ANKRD39: variants seen among roughly 807,000 people sequenced by gnomAD.
ANKRD39 encodes the protein ankyrin repeat domain 39.
A neutral mutation model predicts 20.3 loss-of-function variants in ANKRD39; 18 were observed. The ratio of observed to expected loss-of-function variants is 0.89; its 90% CI spans 0.61 to 1.32. The LOEUF (loss-of-function observed/expected upper bound fraction) is 1.32, where lower values mean the gene tolerates loss of function less well. Ranked by LOEUF, ANKRD39 falls within the 40% of genes most tolerant of loss-of-function variation. The pLI, the probability that ANKRD39 is intolerant of heterozygous loss-of-function variation, is 0.00. For missense variants in ANKRD39, 243 were observed against 250.7 expected (o/e 0.97, Z 0.21); for synonymous variants, 106 against 111.9 (o/e 0.95, Z 0.33).
chr2:96,854,329 C>G lies in ANKRD39; in HGVS notation c.204+9G>C. On this transcript the variant is annotated intron_variant, in intron 2 of 3. Coordinates refer to ENST00000393537, the MANE Select transcript of ANKRD39 (RefSeq NM_016466.6). ...CTGTCTCCTGACCCTGTGCTCCTCC[C>G]TAGCTCACCAGCGCAGTGTAGCCGG... 4 of 1,613,684 alleles carry G rather than the reference C, an allele frequency of 2.5e-6. No individual in the cohort carries two copies. The highest frequency in any genetic ancestry group is 1.7e-6 in the Non-Finnish European group (2 of 1,179,760).
intron 1 of ANKRD39, among the ~76,000 whole-genome samples, chr2:96,855,095 T>A (rs1462192999): frequency 6.6e-6 from 1 of 151,262 alleles, no homozygotes; most frequent in African/African-American, 2.4e-5. Context: ...ATGAGGGGAG[T>A]TCGGGGAGTT....
At chr2:96,857,170 T>C (rs558713380) in intron 1 of ANKRD39, among the ~76,000 whole-genome samples, 2 of 152,078 alleles carry the variant, frequency 1.3e-5, no homozygotes, top group Non-Finnish European at 2.9e-5. Flanking sequence ...CGGAGGGAAG[T>C]AGGCAGGTGC....
At position 96,848,175 on chromosome 2, in the gene ANKRD39, G is replaced by C; in HGVS notation, c.*126C>G. ...TACTCCCTCGCTTCCACAGTGACCA[G>C]ACTGGGGCTCTTCCTGGGTGGTCTG... On this transcript the variant is annotated 3_prime_UTR_variant, in exon 4 of 4. Coordinates refer to ENST00000393537, the MANE Select transcript of ANKRD39 (RefSeq NM_016466.6). The C allele has an allele frequency of 3.0e-6, 4 of 1,350,706 alleles. No individual in the cohort carries two copies. Among genetic ancestry groups the C allele is most frequent in the Non-Finnish European group, 4.1e-6 (4 of 983,530 alleles). The allele number at this position is 1,350,706 out of a possible 1,614,324, so 83.7% of individuals were successfully genotyped here. A position where few individuals can be genotyped will look rare whatever the true frequency, so the allele number is the denominator to read the frequency against.
chr2:96,854,215 T>C, intron 2 of ANKRD39, 123 bp downstream of exon 2: 1 of 992,682 alleles, frequency 1.0e-6, no homozygotes, highest in Admixed American at 2.4e-5. Context: ...AAGAGAAATT[T>C]TGCTGGAAGA....
rs1444917307 is a variant in ANKRD39, at chr2:96,856,692, G to C, written c.100+1196C>G. Among the ~76,000 whole-genome samples, 6 of 152,282 alleles carry C rather than the reference G, an allele frequency of 3.9e-5. No homozygotes were observed. In the East Asian group the frequency reaches 1.2e-3, roughly 29 times the overall value. On this transcript the variant is annotated intron_variant, in intron 1 of 3. Coordinates refer to ENST00000393537, the MANE Select transcript of ANKRD39 (RefSeq NM_016466.6). ...ATTGTGACAACCCAAAATGTCTCCAGATATTCAAAGTCCCTTAAAGGGCAG... is the reference window on the plus strand; with the variant it reads ...ATTGTGACAACCCAAAATGTCTCCACATATTCAAAGTCCCTTAAAGGGCAG...
At chr2:96,852,209 C>T (rs915721207) in intron 3 of ANKRD39, among the ~76,000 whole-genome samples, 2 of 150,988 alleles carry the variant, frequency 1.3e-5, no homozygotes, top group African/African-American at 4.9e-5. Context: ...GAGACCCTGT[C>T]TCAAAAATAA....
rs1163881580 is a variant in ANKRD39 at position 96,857,887 on chromosome 2, C to A, written c.100+1G>T. 1.9e-6 allele frequency: 3 copies of A among 1,576,104 alleles called. No individual in the cohort carries two copies. Among genetic ancestry groups the A allele is most frequent in the South Asian group, 1.2e-5 (1 of 86,748 alleles). On this transcript the variant is annotated splice_donor_variant, in intron 1 of 3. Transcript: ENST00000393537. LOFTEE classifies it high-confidence loss of function. Reference sequence around the variant, plus strand: ...CCACGAGGGCCGCGCGGCAGCCTCACCCCTCTCGAAGTCCATCTCCTCCAG... The same window carrying A: ...CCACGAGGGCCGCGCGGCAGCCTCAACCCTCTCGAAGTCCATCTCCTCCAG...
Position 96,857,950 on chromosome 2 carries a change from C to A in ANKRD39, c.38G>T (p.Cys13Phe), listed in dbSNP as rs753998530. Residue 13 changes from cysteine to phenylalanine, a missense_variant, in exon 1 of 4, where the codon TGC becomes TTC. Transcript: ENST00000393537. ...TPRPCADGPC[C>F]SHPSAVLGVQ... ...GCCGAGCACCGCGCTGGGATGCGAG[C>A]AGCAGGGCCCGTCCGCGCAGGGCCG... The A allele has an allele frequency of 1.3e-6, 2 of 1,574,652 alleles. No homozygotes were observed. Among genetic ancestry groups the A allele is most frequent in the South Asian group, 2.3e-5 (2 of 86,860 alleles).
intron 3 of ANKRD39, among the ~76,000 whole-genome samples, chr2:96,852,227 T>C (rs938117654): frequency 1.3e-5 from 2 of 149,742 alleles, no homozygotes; most frequent in African/African-American, 4.9e-5. Flanking sequence ...TAAAATAAAA[T>C]AAAATAAATT....
At chr2:96,853,267 A>G (rs2079846628) in intron 3 of ANKRD39, 134 bp downstream of exon 3, 1 of 1,108,376 alleles carries the variant, frequency 9.0e-7, no homozygotes, top group Admixed American at 2.3e-5. Flanking sequence ...AAGTGATGAC[A>G]GGTGAGCAAG....
intron 3 of ANKRD39, among the ~76,000 whole-genome samples, chr2:96,851,305 TG>T (rs1157700939): frequency 6.6e-6 from 1 of 152,130 alleles, no homozygotes; most frequent in East Asian, 1.9e-4. Context: ...TACAGGTACG[TG>T]CTACCACGCC....
chr2:96,854,601 G>A (rs1051623292), intron 1 of ANKRD39, among the ~76,000 whole-genome samples, 160 bp from the exon 2 acceptor site: 1 of 152,228 alleles, frequency 6.6e-6, no homozygotes, highest in African/African-American at 2.4e-5. Flanking sequence ...TGTTCTGAAT[G>A]CTGGTGACTT....
At chr2:96,856,013 AAG>A (rs1037594780) in intron 1 of ANKRD39, among the ~76,000 whole-genome samples, 20 of 118,774 alleles carry the variant, frequency 1.7e-4, no homozygotes, top group African/African-American at 5.1e-4. Flanking sequence ...AACAACAACA[AAG>A]AGTTACTGTA....
At chr2:96,852,015 A>C (rs545906050) in intron 3 of ANKRD39, among the ~76,000 whole-genome samples, 24 of 152,186 alleles carry the variant, frequency 1.6e-4, no homozygotes, top group Admixed American at 3.3e-4. Context: ...ACTACTACTA[A>C]TAATTTTAAA....
At position 96,853,599 on chromosome 2, in the gene ANKRD39, A is replaced by G. The variant is rs368998072; in HGVS notation, c.210T>C (p.Tyr70=). 27 of 1,611,636 alleles carry G rather than the reference A, an allele frequency of 1.7e-5. No individual in the cohort carries two copies. Among genetic ancestry groups the G allele is most frequent in the African/African-American group, 4.0e-5 (3 of 74,832 alleles). The change falls in exon 3 of 4, where the codon TAT becomes TAC. Residue 70 remains tyrosine, a synonymous_variant. Transcript: ENST00000393537. ...PDSAGYTALH[Y]ASRNGHYAVC... ...CAGCGTAGTGCCCATTGCGGCTGGCATAGTGCTGCAGGGAACAGAGACCGA... is the reference window on the plus strand; with the variant it reads ...CAGCGTAGTGCCCATTGCGGCTGGCGTAGTGCTGCAGGGAACAGAGACCGA...
At chr2:96,857,790 A>G in intron 1 of ANKRD39, 98 bp downstream of exon 1, 1 of 1,294,984 alleles carries the variant, frequency 7.7e-7, no homozygotes, top group Non-Finnish European at 1.1e-6. Flanking sequence ...CCAAGCCCCA[A>G]GCTCTCGGGG....
At chr2:96,856,046 TCA>T (rs796616568) in intron 1 of ANKRD39, among the ~76,000 whole-genome samples, 4 of 152,212 alleles carry the variant, frequency 2.6e-5, no homozygotes, top group East Asian at 1.9e-4. Context: ...TTAACAAATC[TCA>T]CAGTTTCTTT....
chr2:96,848,603 G>T (rs942432765), intron 3 of ANKRD39, among the ~76,000 whole-genome samples, 159 bp from the exon 4 acceptor site: 2 of 152,160 alleles, frequency 1.3e-5, no homozygotes, highest in Admixed American at 6.5e-5. Flanking sequence ...AAGGCAGGCG[G>T]ATCACAAGGT....
chr2:96,854,348 T>C lies in ANKRD39; in HGVS notation c.194A>G (p.Tyr65Cys). 6.2e-7 allele frequency: 1 copy of C among 1,614,108 alleles called. No homozygotes were observed. The highest frequency in any genetic ancestry group is 8.5e-7 in the Non-Finnish European group (1 of 1,180,004). ...EDPSQPDSAG[Y>C]TALHYASRNG... Reference sequence around the variant, plus strand: ...TCCTCCCTAGCTCACCAGCGCAGTGTAGCCGGCCGAGTCGGGCTGACTTGG... The same window carrying C: ...TCCTCCCTAGCTCACCAGCGCAGTGCAGCCGGCCGAGTCGGGCTGACTTGG... The change falls in exon 2 of 4, where the codon TAC becomes TGC. Residue 65 changes from tyrosine to cysteine, a missense_variant. Tyr to Cys is a radical substitution (Grantham distance 194). Coordinates refer to ENST00000393537, the MANE Select transcript of ANKRD39 (RefSeq NM_016466.6).
Sources: allele counts gnomAD v4.1 joint callset (sites outside exome capture counted in the v4.1 genomes callset), GRCh38; gene constraint gnomAD v4.1.1; transcripts MANE v1.5; gene names NCBI Gene and HGNC (gene_info 2026-07-23, HGNC 2026-07-21).